The following CSMD1 variants were observed in gnomAD, a reference collection of about 807,000 sequenced individuals.
CSMD1 encodes CUB and Sushi multiple domains 1.
In CSMD1, 213 loss-of-function variants were observed where a neutral mutation model predicts 417.5. That is an observed-to-expected ratio of 0.51 (90% CI 0.46 to 0.57). CSMD1 has a LOEUF of 0.57. CSMD1 is among the 20% of genes least tolerant of loss of function. The pLI, the probability that CSMD1 is intolerant of heterozygous loss-of-function variation, is 0.00. For missense variants in CSMD1, 6,923 were observed against 4,529.7 expected, an observed-to-expected ratio of 1.53 and a Z score of -15.17; for synonymous variants, 2,862 against 1,736.8, an observed-to-expected ratio of 1.65 and a Z score of -16.11.
chr8:4,916,412 A>G (rs1443050296), intron 1 of CSMD1, among the ~76,000 whole-genome samples: 1 of 152,270 alleles, frequency 6.6e-6, no homozygotes, highest in African/African-American at 2.4e-5. Context: ...ACATATGCAC[A>G]TATAAATATG....
intron 3 of CSMD1, among the ~76,000 whole-genome samples, chr8:4,169,887 T>G (rs764403954): frequency 9.3e-5 from 14 of 149,788 alleles, no homozygotes; most frequent in Admixed American, 2.0e-4. Context: ...TACTTCTGTT[T>G]TCTATGAGTA....
chr8:3,285,624 C>T (rs1255343221), intron 25 of CSMD1, among the ~76,000 whole-genome samples: 1 of 152,066 alleles, frequency 6.6e-6, no homozygotes, highest in East Asian at 1.9e-4. Context: ...GTCTTGAACT[C>T]CTCACCTCAG....
chr8:3,954,811 C>T (rs549848219), intron 5 of CSMD1, among the ~76,000 whole-genome samples: 4 of 152,114 alleles, frequency 2.6e-5, no homozygotes, highest in Non-Finnish European at 5.9e-5. Flanking sequence ...CCTTGCCCCT[C>T]GGAAGCGAGC....
At chr8:4,297,811 A>G (rs1454640075) in intron 3 of CSMD1, among the ~76,000 whole-genome samples, 1 of 152,186 alleles carries the variant, frequency 6.6e-6, no homozygotes, top group Non-Finnish European at 1.5e-5. Context: ...TGAATTATAT[A>G]ATTAAATTTG....
intron 10 of CSMD1, among the ~76,000 whole-genome samples, chr8:3,555,029 G>C (rs191366775): frequency 6.6e-6 from 1 of 152,112 alleles, no homozygotes; most frequent in African/African-American, 2.4e-5. Context: ...AGAAGACTGT[G>C]CGTGAGGAGT....
intron 2 of CSMD1, among the ~76,000 whole-genome samples, chr8:4,450,780 G>T (rs1203051810): frequency 1.3e-5 from 2 of 152,112 alleles, no homozygotes; most frequent in Non-Finnish European, 2.9e-5. Flanking sequence ...AGCAAGTATT[G>T]TATTTTCATT....
Position 3,467,700 on chromosome 8 carries a change from C to G in CSMD1, c.1561+1012G>C, listed in dbSNP as rs577803429. Reference sequence around the variant, plus strand: ...TAATATTGTGACCCTTTATCCCACACAGAGAGAGAGAGCAGCCAAGGTGTG... The same window carrying G: ...TAATATTGTGACCCTTTATCCCACAGAGAGAGAGAGAGCAGCCAAGGTGTG... On this transcript the variant is annotated intron_variant, in intron 12 of 69. Transcript: ENST00000635120. Among the ~76,000 whole-genome samples, 333 of 151,886 alleles carry G rather than the reference C, an allele frequency of 2.2e-3. 1 individual carries two copies. Among genetic ancestry groups the G allele is most frequent in the African/African-American group, 7.5e-3 (309 of 41,324 alleles).
chr8:3,116,560 T>G (rs1816882859), intron 42 of CSMD1, among the ~76,000 whole-genome samples: 1 of 152,274 alleles, frequency 6.6e-6, no homozygotes, highest in Admixed American at 6.5e-5. Context: ...ATGCAGAGTT[T>G]AGCTAATTCT....
intron 10 of CSMD1, among the ~76,000 whole-genome samples, chr8:3,550,273 G>A (rs923961472): frequency 6.6e-6 from 1 of 151,984 alleles, no homozygotes; most frequent in African/African-American, 2.4e-5. Flanking sequence ...AGGCCACTAT[G>A]GCTGCCCTCT....
chr8:4,980,075 A>T (rs1810798842), intron 1 of CSMD1, among the ~76,000 whole-genome samples: 1 of 152,140 alleles, frequency 6.6e-6, no homozygotes, highest in Admixed American at 6.5e-5. Flanking sequence ...AGTTAACACA[A>T]TGTTATCACA....
At chr8:3,295,572 T>C (rs557492945) in intron 25 of CSMD1, among the ~76,000 whole-genome samples, 78 of 152,344 alleles carry the variant, frequency 5.1e-4, no homozygotes, top group African/African-American at 1.8e-3. Flanking sequence ...TTTTGACACG[T>C]GGTACCGCAC....
intron 3 of CSMD1, among the ~76,000 whole-genome samples, chr8:4,326,809 A>G (rs1474318498): frequency 6.6e-6 from 1 of 151,436 alleles, no homozygotes; most frequent in African/African-American, 2.4e-5. Context: ...CACCAAGAAA[A>G]CTTTGGCTTT....
At chr8:3,535,297 G>C (rs933739431) in intron 10 of CSMD1, among the ~76,000 whole-genome samples, 3 of 152,060 alleles carry the variant, frequency 2.0e-5, no homozygotes, top group South Asian at 4.1e-4. Flanking sequence ...AGTTATTCAA[G>C]CTTTTGGCCG....
chr8:4,041,077 C>G (rs184752501), intron 3 of CSMD1, among the ~76,000 whole-genome samples: 2 of 136,774 alleles, frequency 1.5e-5, no homozygotes, highest in Non-Finnish European at 3.1e-5. Flanking sequence ...AGTGCAGTGG[C>G]GCGATCTCGG....
intron 4 of CSMD1, among the ~76,000 whole-genome samples, chr8:4,028,375 C>T (rs987704359): frequency 3.3e-5 from 5 of 151,984 alleles, no homozygotes; most frequent in African/African-American, 4.8e-5. Context: ...TAGTGCCTGG[C>T]TTACAGTAAG....
chr8:3,037,305 A>C (rs7018335), intron 50 of CSMD1, among the ~76,000 whole-genome samples: 1,674 of 113,576 alleles, frequency 0.015, 38 homozygotes, highest in African/African-American at 0.044. Context: ...TCCTGGGTTC[A>C]CGCCATTCTC....
intron 5 of CSMD1, among the ~76,000 whole-genome samples, chr8:3,981,191 T>C (rs1187527808): frequency 3.3e-5 from 5 of 152,216 alleles, no homozygotes; most frequent in South Asian, 4.1e-4. Context: ...GGTATCTCCA[T>C]AGTTTTCTTC....
chr8:3,627,402 G>A (rs999153286), intron 7 of CSMD1, among the ~76,000 whole-genome samples: 1 of 152,074 alleles, frequency 6.6e-6, no homozygotes, highest in African/African-American at 2.4e-5. Flanking sequence ...AGAAATCACG[G>A]CATATCACCT....
intron 5 of CSMD1, among the ~76,000 whole-genome samples, chr8:3,927,906 A>G (rs780822361): frequency 6.6e-6 from 1 of 152,202 alleles, no homozygotes; most frequent in African/African-American, 2.4e-5. Context: ...TACCTAAAAA[A>G]TCATTTTACA....
Sources: gnomAD v4.1 joint callset for allele counts (sites outside exome capture counted in the v4.1 genomes callset) on GRCh38, gnomAD v4.1.1 for gene constraint, MANE v1.5 for transcripts, NCBI Gene and HGNC (gene_info 2026-07-23, HGNC 2026-07-21) for gene names.